ROBO2: variants seen among roughly 807,000 people sequenced by gnomAD.
ROBO2 encodes roundabout guidance receptor 2, also known as roundabout homolog 2.
In ROBO2, 53 loss-of-function variants were observed where a neutral mutation model predicts 160.8. The observed-to-expected ratio is 0.33, with a 90% confidence interval of 0.26 to 0.41. ROBO2 has a LOEUF of 0.41. Ranked by LOEUF, ROBO2 falls within the 10% of genes least tolerant of loss-of-function variation. ROBO2 has a pLI of 1.00. For synonymous variants in ROBO2, 664 were observed against 611.7 expected (o/e 1.09, Z -1.26); for missense variants, 1,577 against 1,722.4 (o/e 0.92, Z 1.49).
intron 2 of ROBO2, among the ~76,000 whole-genome samples, chr3:76,200,753 A>G (rs1191148933): frequency 6.6e-6 from 1 of 152,146 alleles, no homozygotes; most frequent in Non-Finnish European, 1.5e-5. Flanking sequence ...GGCAAGAAGC[A>G]TCATAGAACC....
intron 2 of ROBO2, chr3:76,434,080 A>G: frequency 1.5e-6 from 2 of 1,306,856 alleles, no homozygotes; most frequent in East Asian, 2.3e-5. Flanking sequence ...TGGAGGCAGT[A>G]TCCCATACCT....
chr3:76,101,970 C>T (rs571572730), intron 2 of ROBO2, among the ~76,000 whole-genome samples: 14 of 144,950 alleles, frequency 9.7e-5, no homozygotes, highest in South Asian at 9.1e-4. Flanking sequence ...CATTATACCC[C>T]GGGGTGTGAT....
chr3:76,969,285 A>G (rs935855955), intron 2 of ROBO2, among the ~76,000 whole-genome samples: 3 of 152,202 alleles, frequency 2.0e-5, no homozygotes, highest in Admixed American at 1.3e-4. Context: ...AAATTTAATG[A>G]CTAATTGAAA....
intron 2 of ROBO2, among the ~76,000 whole-genome samples, chr3:76,753,876 T>C (rs780972067): frequency 6.6e-6 from 1 of 151,902 alleles, no homozygotes; most frequent in African/African-American, 2.4e-5. Context: ...AAATTTAGCT[T>C]GGTGAACATT....
chr3:77,622,358 A>G (rs766539559), exon 23 of ROBO2: 1 of 1,613,980 alleles, frequency 6.2e-7, no homozygotes, highest in Admixed American at 1.7e-5. Context: ...GAAGCTTTAG[A>G]AATCCCCAGG....
At chr3:76,434,302 C>G in intron 2 of ROBO2, 1 of 1,071,362 alleles carries the variant, frequency 9.3e-7, no homozygotes, top group Non-Finnish European at 1.5e-6. Flanking sequence ...AATAAGCTTT[C>G]CAATTTGTTG....
rs1212713411 is a variant in ROBO2 at position 76,434,679 on chromosome 3, C to A, written c.109+497077C>A. On this transcript the variant is annotated intron_variant, in intron 2 of 26. Coordinates refer to the ROBO2 transcript ENST00000487694. ...CTGCCATCTGGACCCTCTGCTGGATCAGGTCCTCCTCCCCGTTCACCAGGC... is the reference window on the plus strand; with the variant it reads ...CTGCCATCTGGACCCTCTGCTGGATAAGGTCCTCCTCCCCGTTCACCAGGC... The A allele has an allele frequency of 3.5e-6, 4 of 1,140,706 alleles. No individual in the cohort carries two copies. The South Asian group carries it at 3.7e-5, about 10-fold the overall frequency. 70.7% of individuals were successfully genotyped at this position (1,140,706 alleles called of 1,614,324 possible).
intron 2 of ROBO2, among the ~76,000 whole-genome samples, chr3:75,988,040 G>A (rs2065461732): frequency 6.6e-6 from 1 of 151,900 alleles, no homozygotes; most frequent in Admixed American, 6.6e-5. Flanking sequence ...GTAGGGTAAT[G>A]CTGGCCTCAT....
intron 2 of ROBO2, among the ~76,000 whole-genome samples, chr3:76,917,697 AC>A (rs1401804527): frequency 6.6e-6 from 1 of 151,996 alleles, no homozygotes; most frequent in Non-Finnish European, 1.5e-5. Flanking sequence ...TTTTTTTAAA[AC>A]CTGGCATCTG....
intron 2 of ROBO2, among the ~76,000 whole-genome samples, chr3:76,494,549 T>A (rs2080031267): frequency 1.3e-5 from 2 of 152,194 alleles, no homozygotes; most frequent in Non-Finnish European, 2.9e-5. Context: ...CCATCCTTGA[T>A]GATAATGTTC....
intron 16 of ROBO2, among the ~76,000 whole-genome samples, chr3:77,584,665 T>C (rs1237007327): frequency 6.6e-6 from 1 of 152,036 alleles, no homozygotes; most frequent in East Asian, 1.9e-4. Context: ...CAGTATTAAC[T>C]TTTCTTTAAA....
chr3:75,999,447 G>C (rs1658837183), intron 2 of ROBO2, among the ~76,000 whole-genome samples: 1 of 152,032 alleles, frequency 6.6e-6, no homozygotes, highest in Non-Finnish European at 1.5e-5. Flanking sequence ...AAAACTTTAA[G>C]ACAATTTTTT....
At chr3:76,802,133 A>G (rs1576709527) in intron 2 of ROBO2, among the ~76,000 whole-genome samples, 1 of 152,168 alleles carries the variant, frequency 6.6e-6, no homozygotes, top group East Asian at 1.9e-4. Flanking sequence ...TATTGTGGGA[A>G]TTATCAAAAT....
At chr3:76,047,675 A>G (rs2067496033) in intron 2 of ROBO2, among the ~76,000 whole-genome samples, 1 of 152,214 alleles carries the variant, frequency 6.6e-6, no homozygotes, top group African/African-American at 2.4e-5. Flanking sequence ...AGATGTTCCG[A>G]TAGGCTAGCC....
intron 2 of ROBO2, among the ~76,000 whole-genome samples, chr3:76,119,924 T>TCCCGC (rs2070668231): frequency 2.0e-5 from 1 of 50,688 alleles, no homozygotes; most frequent in African/African-American, 7.3e-5. Context: ...CTCCCTTCCT[T>TCCCGC]CCTTCCTTCC....
chr3:77,221,854 C>CTTTTTTTTT (rs5850317), intron 2 of ROBO2, among the ~76,000 whole-genome samples: 1 of 140,286 alleles, frequency 7.1e-6, no homozygotes, highest in African/African-American at 2.7e-5. Context: ...TTTTCTTTTT[C>CTTTTTTTTT]TTTTTTTTTT....
intron 2 of ROBO2, among the ~76,000 whole-genome samples, chr3:77,356,839 T>C (rs2069201339): frequency 6.6e-6 from 1 of 152,210 alleles, no homozygotes; most frequent in Admixed American, 6.6e-5. Flanking sequence ...TCTAGATGAT[T>C]GAAATATGTG....
At chr3:77,472,286 T>C (rs75590164) in intron 2 of ROBO2, among the ~76,000 whole-genome samples, 2 of 152,132 alleles carry the variant, frequency 1.3e-5, no homozygotes, top group South Asian at 4.1e-4. Context: ...GAGTGACCAT[T>C]GGAGAACAGA....
intron 2 of ROBO2, among the ~76,000 whole-genome samples, chr3:77,463,129 G>C (rs1435964680): frequency 6.6e-6 from 1 of 152,114 alleles, no homozygotes; most frequent in Non-Finnish European, 1.5e-5. Context: ...GTGCTATATA[G>C]AGACTGGAAC....
Sources: allele counts gnomAD v4.1 joint callset (sites outside exome capture counted in the v4.1 genomes callset), GRCh38; gene constraint gnomAD v4.1.1; transcripts MANE v1.5; gene names NCBI Gene and HGNC (gene_info 2026-07-23, HGNC 2026-07-21).